Variants in CFAP70 observed in about 807,000 individuals in gnomAD.
CFAP70 encodes the protein cilia- and flagella-associated protein 70.
In CFAP70, 81 loss-of-function variants were observed where a neutral mutation model predicts 137.6. The ratio of observed to expected loss-of-function variants is 0.59; its 90% CI spans 0.49 to 0.71. The LOEUF (loss-of-function observed/expected upper bound fraction) is 0.71, where lower values mean the gene tolerates loss of function less well. Among genes scored for constraint, CFAP70 ranks in the 30% least tolerant of loss-of-function variants. CFAP70 has a pLI of 0.00. For missense variants in CFAP70, 976 were observed against 1,226.7 expected (o/e 0.80, Z 3.05); for synonymous variants, 382 against 423.6 (o/e 0.90, Z 1.20).
chr10:73,299,156 T>G (rs2048749189), intron 13 of CFAP70, 55 bp from the exon 15 acceptor site: 2 of 1,326,704 alleles, frequency 1.5e-6, no homozygotes, highest in Non-Finnish European at 2.1e-6. Flanking sequence ...GAGCATGGAT[T>G]GGAAGTCTAA....
intron 19 of CFAP70, among the ~76,000 whole-genome samples, chr10:73,284,034 A>C (rs1395355059): frequency 6.6e-6 from 1 of 152,224 alleles, no homozygotes; most frequent in Admixed American, 6.5e-5. Context: ...TAGTGGCTTA[A>C]AACAACACAA....
chr10:73,362,898 G>A (rs1564515126), upstream of CFAP70, among the ~76,000 whole-genome samples: 1 of 149,040 alleles, frequency 6.7e-6, no homozygotes, highest in Admixed American at 6.8e-5. Context: ...TGTTAGCTGT[G>A]TGTCTGTCAT....
chr10:73,351,134 T>G (rs1407300807), intron 3 of CFAP70, among the ~76,000 whole-genome samples: 1 of 139,978 alleles, frequency 7.1e-6, no homozygotes, highest in Non-Finnish European at 1.5e-5. Context: ...TTTTTTTTTT[T>G]GTGAGACGGA....
intron 25 of CFAP70, among the ~76,000 whole-genome samples, chr10:73,267,490 C>G (rs2133671613): frequency 6.6e-6 from 1 of 152,274 alleles, no homozygotes; most frequent in South Asian, 2.1e-4. Flanking sequence ...ACAAGTTTAG[C>G]TTAGATTCAA....
intron 19 of CFAP70, among the ~76,000 whole-genome samples, chr10:73,286,618 G>A (rs1224951980): frequency 3.3e-5 from 5 of 152,132 alleles, no homozygotes; most frequent in African/African-American, 4.8e-5. Flanking sequence ...ACAGGAGGTT[G>A]GGACACAAAC....
At chr10:73,302,883 CT>C (rs1554895440) in intron 12 of CFAP70, among the ~76,000 whole-genome samples, 220 of 130,942 alleles carry the variant, frequency 1.7e-3, no homozygotes, top group Middle Eastern at 3.9e-3. Flanking sequence ...CTTTTCTTTT[CT>C]TTTTTTTTTT....
chr10:73,326,368 C>T (rs1326503049), intron 8 of CFAP70, among the ~76,000 whole-genome samples: 24 of 145,786 alleles, frequency 1.6e-4, no homozygotes, highest in Non-Finnish European at 3.4e-4. Flanking sequence ...GCACTAAATG[C>T]CCACAAGAGA....
At chr10:73,290,598 A>G (rs1453443630) in intron 19 of CFAP70, among the ~76,000 whole-genome samples, 1 of 152,256 alleles carries the variant, frequency 6.6e-6, no homozygotes, top group Non-Finnish European at 1.5e-5. Flanking sequence ...ACACAAAATA[A>G]TAATACACAC....
chr10:73,274,435 C>G, exon 23 of CFAP70: 1 of 1,609,932 alleles, frequency 6.2e-7, no homozygotes, highest in South Asian at 1.1e-5. Context: ...CCCCTCACCT[C>G]TTTCTCTTCC....
intron 10 of CFAP70, among the ~76,000 whole-genome samples, chr10:73,312,199 G>A (rs1166507710): frequency 6.6e-6 from 1 of 152,064 alleles, no homozygotes; most frequent in African/African-American, 2.4e-5. Context: ...GCCTGTCGGG[G>A]GTAAGGGCCA....
intron 21 of CFAP70, chr10:73,276,536 C>A (rs4471347): frequency 1.3e-5 from 2 of 151,960 alleles, no homozygotes; most frequent in Non-Finnish European, 2.9e-5. Context: ...TGTGTTAAAG[C>A]CTCCTGCTTA....
At chr10:73,304,305 C>T (rs768239396) in intron 12 of CFAP70, among the ~76,000 whole-genome samples, 32 of 152,206 alleles carry the variant, frequency 2.1e-4, no homozygotes, top group South Asian at 4.2e-4. Flanking sequence ...TCACCTGCCT[C>T]GGCCTCTCAA....
chr10:73,262,619 A>G (rs2045369001), intron 25 of CFAP70, among the ~76,000 whole-genome samples: 1 of 152,176 alleles, frequency 6.6e-6, no homozygotes, highest in East Asian at 1.9e-4. Context: ...GGAAAAAGAA[A>G]TTGTGCATAT....
intron 7 of CFAP70, among the ~76,000 whole-genome samples, chr10:73,333,006 AG>A (rs1444026160): frequency 6.6e-6 from 1 of 152,234 alleles, no homozygotes; most frequent in African/African-American, 2.4e-5. Context: ...ATTATGTTAA[AG>A]ACTCTTACAG....
At chr10:73,259,806 A>G (rs1231056487) in intron 25 of CFAP70, among the ~76,000 whole-genome samples, 1 of 152,078 alleles carries the variant, frequency 6.6e-6, no homozygotes, top group Non-Finnish European at 1.5e-5. Context: ...TGAGGGGGAA[A>G]GATCGCTCGA....
At chr10:73,347,897 GTAAC>G (rs2053853953) in intron 4 of CFAP70, among the ~76,000 whole-genome samples, 1 of 152,202 alleles carries the variant, frequency 6.6e-6, no homozygotes, top group Non-Finnish European at 1.5e-5. Context: ...TGCGGACAAA[GTAAC>G]TGATACCTGC....
At chr10:73,322,566 TAA>T (rs143744938) in intron 9 of CFAP70, among the ~76,000 whole-genome samples, 23 of 105,642 alleles carry the variant, frequency 2.2e-4, no homozygotes, top group Admixed American at 3.1e-4. Flanking sequence ...CCCACATCTC[TAA>T]AAAAAAAAAA....
At chr10:73,329,833 A>G (rs1386358109) in intron 8 of CFAP70, among the ~76,000 whole-genome samples, 1 of 152,216 alleles carries the variant, frequency 6.6e-6, no homozygotes, top group Non-Finnish European at 1.5e-5. Context: ...TAGTTGGCTG[A>G]GAAAAATTCT....
In CFAP70 at chr10:73,329,665, A is replaced by G. The variant is rs1027326725; in HGVS notation, c.777+1512T>C. 3.3e-5 allele frequency among the ~76,000 whole-genome samples: 5 copies of G among 152,328 alleles called. No individual in the cohort carries two copies. The East Asian group carries it at 9.6e-4, about 29-fold the overall frequency. The stretch of plus-strand genomic sequence containing the variant: ...AGCTTTATAAAAAACAACAATAACA[A>G]TAACAAAAAACTTAAAAGGAATCAG... On this transcript the variant is annotated intron_variant, in intron 8 of 26. Transcript: ENST00000310715.
Sources: allele counts gnomAD v4.1 joint callset (sites outside exome capture counted in the v4.1 genomes callset), GRCh38; gene constraint gnomAD v4.1.1; transcripts MANE v1.5; gene names NCBI Gene and HGNC (gene_info 2026-07-23, HGNC 2026-07-21).